CEP126: variants seen among roughly 807,000 people sequenced by gnomAD.
CEP126 encodes centrosomal protein of 126 kDa.
CEP126 carries 74 observed loss-of-function variants against 107.8 expected under a neutral mutation model. That is an observed-to-expected ratio of 0.69 (90% CI 0.57 to 0.83). The LOEUF is 0.83. Ranked by LOEUF, CEP126 falls within the 40% of genes least tolerant of loss-of-function variation. The pLI, the probability that CEP126 is intolerant of heterozygous loss-of-function variation, is 0.00. For missense variants in CEP126, 1,237 were observed against 1,281.9 expected, an observed-to-expected ratio of 0.96 and a Z score of 0.53; for synonymous variants, 449 against 446.0, an observed-to-expected ratio of 1.01 and a Z score of -0.08.
Position 101,915,065 on chromosome 11 carries a change from T to A in CEP126, c.-220T>A, listed in dbSNP as rs1476989620. 2 of 559,054 alleles carry A rather than the reference T, an allele frequency of 3.6e-6. No individual in the cohort carries two copies. The highest frequency in any genetic ancestry group is 6.0e-6 in the Non-Finnish European group (2 of 330,986). The allele number at this position is 559,054 out of a possible 1,614,324, so 34.6% of individuals were successfully genotyped here. Reference sequence around the variant, plus strand: ...GCAGGGTTGCTGCCGCCCCATCTGCTATTGCCCGGCGAGGTCGCCGCTGCC... The same window carrying A: ...GCAGGGTTGCTGCCGCCCCATCTGCAATTGCCCGGCGAGGTCGCCGCTGCC... On this transcript the variant is annotated 5_prime_UTR_variant, in exon 1 of 11. Coordinates refer to ENST00000263468, the MANE Select transcript of CEP126 (RefSeq NM_020802.4).
At chr11:101,917,854 C>T (rs188184735) in intron 1 of CEP126, among the ~76,000 whole-genome samples, 7 of 152,204 alleles carry the variant, frequency 4.6e-5, no homozygotes, top group African/African-American at 1.2e-4. Flanking sequence ...CTCCTTCATG[C>T]GAATAATAAA....
At chr11:101,945,503 G>A (rs975781397) in intron 3 of CEP126, among the ~76,000 whole-genome samples, 3 of 152,170 alleles carry the variant, frequency 2.0e-5, no homozygotes, top group African/African-American at 7.2e-5. Context: ...TGCTGTGTTA[G>A]TAATAAATAT....
intron 4 of CEP126, among the ~76,000 whole-genome samples, chr11:101,949,500 T>C (rs890927823): frequency 2.6e-5 from 4 of 152,090 alleles, no homozygotes; most frequent in Admixed American, 6.6e-5. Context: ...GGAGAGTATG[T>C]GTGTGATGAG....
chr11:101,983,760 A>G (rs1421603891), intron 8 of CEP126, among the ~76,000 whole-genome samples: 1 of 152,220 alleles, frequency 6.6e-6, no homozygotes, highest in Non-Finnish European at 1.5e-5. Context: ...GACAGCCCCT[A>G]CAAGAATTAA....
intron 6 of CEP126, 145 bp from the exon 7 acceptor site, chr11:101,978,202 G>A (rs924377828): frequency 3.1e-6 from 2 of 655,058 alleles, no homozygotes; most frequent in Non-Finnish European, 5.5e-6. Flanking sequence ...GAGCATATAA[G>A]AGGAGCTCAA....
chr11:101,995,765 T>C (rs1482449127), intron 10 of CEP126, among the ~76,000 whole-genome samples: 1 of 152,264 alleles, frequency 6.6e-6, no homozygotes, highest in African/African-American at 2.4e-5. Context: ...TTAACTATTA[T>C]AGTCAAGAAA....
At chr11:101,937,128 T>C (rs1251601884) in intron 2 of CEP126, among the ~76,000 whole-genome samples, 1 of 152,202 alleles carries the variant, frequency 6.6e-6, no homozygotes, top group African/African-American at 2.4e-5. Flanking sequence ...ATGTAATATT[T>C]TTAAATAATT....
Position 101,959,153 on chromosome 11 carries a change from CT to C in CEP126, c.705+796del, listed in dbSNP as rs928703717. Among the ~76,000 whole-genome samples the C allele has an allele frequency of 1.1e-4, 16 of 150,970 alleles. 1 individual carries two copies. In the East Asian group the frequency reaches 2.3e-3, roughly 22 times the overall value. On this transcript the variant is annotated intron_variant, in intron 5 of 10. Transcript: ENST00000263468. ...AAACTTAACACTTTTTTCTTTTTTC[CT>C]TTTTTTTTCTTTCTTTTTTTTGAGA... is the stretch of plus-strand genomic sequence containing the variant.
At chr11:101,921,745 A>G (rs1214970628) in intron 1 of CEP126, among the ~76,000 whole-genome samples, 1 of 2,508 alleles carries the variant, frequency 4.0e-4, no homozygotes, top group African/African-American at 1.4e-3. Context: ...GAATGAAGAT[A>G]TACAGTCCTC....
chr11:101,923,708 C>A (rs1027524796), intron 2 of CEP126, among the ~76,000 whole-genome samples: 6 of 152,132 alleles, frequency 3.9e-5, no homozygotes, highest in Non-Finnish European at 8.8e-5. Context: ...CTCCTGGCAT[C>A]TATAAACGGC....
chr11:101,921,946 C>T (rs1353239405), intron 1 of CEP126, among the ~76,000 whole-genome samples: 3 of 150,550 alleles, frequency 2.0e-5, no homozygotes, highest in Non-Finnish European at 3.0e-5. Context: ...CCACCACGCC[C>T]GCCTAATTTT....
chr11:101,962,950 A>T lies in CEP126; in HGVS notation c.1915A>T (p.Ile639Leu). ...KLRWFDETSN[I>L]ENNAENSHSL... The stretch of plus-strand genomic sequence containing the variant: ...GAGGTGGTTTGATGAAACTAGCAAT[A>T]TAGAAAACAATGCTGAAAACAGTCA... The change falls in exon 6 of 11, where the codon ATA (isoleucine) becomes TTA (leucine). Residue 639 changes from isoleucine to leucine, a missense_variant. By Grantham distance (5) the Ile-to-Leu change is conservative (BLOSUM62 2). Coordinates refer to ENST00000263468, the MANE Select transcript of CEP126 (RefSeq NM_020802.4). 2 of 1,610,752 alleles carry T rather than the reference A, an allele frequency of 1.2e-6. No individual in the cohort carries two copies. The highest frequency in any genetic ancestry group is 1.7e-6 in the Non-Finnish European group (2 of 1,179,202).
At chr11:101,968,503 A>T (rs571097104) in intron 6 of CEP126, among the ~76,000 whole-genome samples, 1 of 152,332 alleles carries the variant, frequency 6.6e-6, no homozygotes, top group Admixed American at 6.5e-5. Context: ...GGATTGGAAG[A>T]GTGAGCTTTG....
chr11:101,974,650 T>C (rs1202022618), intron 6 of CEP126, among the ~76,000 whole-genome samples: 1 of 152,164 alleles, frequency 6.6e-6, no homozygotes, highest in Non-Finnish European at 1.5e-5. Context: ...ATTAGTAGCT[T>C]TATTTTGAGT....
At chr11:101,981,717 T>C (rs1422574467) in intron 7 of CEP126, among the ~76,000 whole-genome samples, 172 bp from the exon 8 acceptor site, 1 of 152,186 alleles carries the variant, frequency 6.6e-6, no homozygotes, top group East Asian at 1.9e-4. Flanking sequence ...ACCATAGAAA[T>C]TCTTTATTAT....
intron 4 of CEP126, chr11:101,956,114 C>T: frequency 4.4e-6 from 2 of 456,738 alleles, no homozygotes; most frequent in South Asian, 3.1e-5. Flanking sequence ...CCATCCACCC[C>T]ACGCACCCCA....
chr11:101,988,040 C>T (rs1045226244), intron 9 of CEP126, among the ~76,000 whole-genome samples: 1 of 151,278 alleles, frequency 6.6e-6, no homozygotes, highest in Non-Finnish European at 1.5e-5. Flanking sequence ...ATCCACAAAA[C>T]AGAATAAACA....
chr11:101,983,598 C>T (rs1048700191), intron 8 of CEP126, among the ~76,000 whole-genome samples: 3 of 152,258 alleles, frequency 2.0e-5, no homozygotes, highest in African/African-American at 7.2e-5. Context: ...GGTGATCAAG[C>T]GTCTGCTGAT....
chr11:101,939,337 C>T (rs1038670830), intron 2 of CEP126, among the ~76,000 whole-genome samples: 2 of 151,990 alleles, frequency 1.3e-5, no homozygotes, highest in Non-Finnish European at 2.9e-5. Context: ...TGTCTTTTAC[C>T]TCTAGTAATA....
Sources: gnomAD v4.1 joint callset for allele counts (sites outside exome capture counted in the v4.1 genomes callset) on GRCh38, gnomAD v4.1.1 for gene constraint, MANE v1.5 for transcripts, NCBI Gene and HGNC (gene_info 2026-07-23, HGNC 2026-07-21) for gene names.